The following EIF2AK4 variants were observed in gnomAD, a reference collection of about 807,000 sequenced individuals.
EIF2AK4 encodes the protein eukaryotic translation initiation factor 2 alpha kinase 4.
In EIF2AK4, 139 loss-of-function variants were observed where a neutral mutation model predicts 211.1. That is an observed-to-expected ratio of 0.66 (90% CI 0.57 to 0.76). The LOEUF (loss-of-function observed/expected upper bound fraction) is 0.76. EIF2AK4 is among the 30% of genes least tolerant of loss of function. The pLI is 0.00. For missense variants in EIF2AK4, 1,664 were observed against 2,043.8 expected (o/e 0.81, Z 3.58); for synonymous variants, 710 against 751.3 (o/e 0.94, Z 0.90).
intron 33 of EIF2AK4, among the ~76,000 whole-genome samples, chr15:40,028,835 G>A (rs1595439052): frequency 6.6e-6 from 1 of 152,210 alleles, no homozygotes; most frequent in Non-Finnish European, 1.5e-5. Context: ...GGCTACATGG[G>A]ATTTAGTTTT....
rs547672081 is a variant in EIF2AK4 at position 39,937,506 on chromosome 15, ATTT to A, written c.145-1996_145-1994del. 5.6e-3 allele frequency among the ~76,000 whole-genome samples: 849 copies of A among 151,844 alleles called. 13 individuals are homozygous for A. Among genetic ancestry groups the A allele is most frequent in the African/African-American group, 0.02 (826 of 41,520 alleles). On this transcript the variant is annotated intron_variant, in intron 1 of 38. Coordinates refer to ENST00000263791, the MANE Select transcript of EIF2AK4 (RefSeq NM_001013703.4). Reference sequence around the variant, plus strand: ...GCATTTTGGGTCATATAATGCATATATTTTTCTCCTAATTATATGCATTTATTT... The same window carrying A: ...GCATTTTGGGTCATATAATGCATATATTCTCCTAATTATATGCATTTATTT...
intron 7 of EIF2AK4, among the ~76,000 whole-genome samples, chr15:39,964,225 T>C (rs1011285116): frequency 1.3e-5 from 2 of 152,232 alleles, no homozygotes; most frequent in African/African-American, 4.8e-5. Context: ...TGCTGAGACA[T>C]CTTTATCATG....
At chr15:39,957,352 C>G (rs892096046) in intron 6 of EIF2AK4, among the ~76,000 whole-genome samples, 2 of 152,126 alleles carry the variant, frequency 1.3e-5, no homozygotes, top group African/African-American at 2.4e-5. Flanking sequence ...TGAAGGATCA[C>G]TTGAGCCCAG....
At chr15:39,950,750 CAT>C (rs60565652) in intron 4 of EIF2AK4, among the ~76,000 whole-genome samples, 47,296 of 151,910 alleles carry the variant, frequency 0.31, 7,611 homozygotes, top group African/African-American at 0.39. Flanking sequence ...TGTTCACACA[CAT>C]GTGAGATACG....
chr15:39,952,482 G>A (rs1388729501), intron 4 of EIF2AK4, among the ~76,000 whole-genome samples: 2 of 151,898 alleles, frequency 1.3e-5, no homozygotes, highest in Non-Finnish European at 2.9e-5. Context: ...TCCCTATGTT[G>A]CCAGGCTGGT....
At chr15:39,968,416 A>G (rs528981712) in intron 9 of EIF2AK4, among the ~76,000 whole-genome samples, 8 of 152,322 alleles carry the variant, frequency 5.3e-5, no homozygotes, top group African/African-American at 1.4e-4. Flanking sequence ...GTTTTATCCA[A>G]TTTGGGAGAA....
chr15:39,940,038 G>A (rs745478790), intron 2 of EIF2AK4, among the ~76,000 whole-genome samples: 1 of 152,190 alleles, frequency 6.6e-6, no homozygotes, highest in Non-Finnish European at 1.5e-5. Flanking sequence ...CCTAGAGTGA[G>A]GGAGAGTATT....
Position 40,009,673 on chromosome 15 carries a change from C to G in EIF2AK4, c.3636C>G (p.His1212Gln), listed in dbSNP as rs373908432. 5.0e-6 allele frequency: 8 copies of G among 1,610,430 alleles called. No homozygotes were observed. Among genetic ancestry groups the G allele is most frequent in the Non-Finnish European group, 1.7e-6 (2 of 1,178,498 alleles). Reference sequence around the variant, plus strand: ...TGTTATTGAAAGCAATACTCTTACACTGTGGGATCCCAGAAGATAAACTCA... The same window carrying G: ...TGTTATTGAAAGCAATACTCTTACAGTGTGGGATCCCAGAAGATAAACTCA... ...HTMLLKAILL[H>Q]CGIPEDKLSQ... Residue 1212 changes from histidine (H) to glutamine (Q), a missense_variant, in exon 26 of 39, where the codon CAC (histidine) becomes CAG (glutamine). Physicochemically the swap from His to Gln is conservative, Grantham distance 24. Coordinates refer to ENST00000263791, the MANE Select transcript of EIF2AK4 (RefSeq NM_001013703.4).
rs2034693335 is a variant in EIF2AK4, at chr15:39,976,459, C to G, written c.1864C>G (p.Pro622Ala). 6.2e-7 allele frequency: 1 copy of G among 1,610,330 alleles called. No individual in the cohort carries two copies. Among genetic ancestry groups the G allele is most frequent in the Non-Finnish European group, 8.5e-7 (1 of 1,179,000 alleles). The change falls in exon 12 of 39, where the codon CCC (proline) becomes GCC (alanine). Residue 622 changes from proline to alanine, a missense_variant. By Grantham distance (27) the Pro-to-Ala change is conservative. Transcript: ENST00000263791. ...DGCCYAVKRI[P>A]INPASRQFRR... ...CTGCTGCTACGCAGTGAAGCGCATCCCCATCAACCCGGCCAGCCGGCAGTT... is the reference window on the plus strand; with the variant it reads ...CTGCTGCTACGCAGTGAAGCGCATCGCCATCAACCCGGCCAGCCGGCAGTT...
chr15:40,000,835 AAAT>A (rs72248603), intron 20 of EIF2AK4, among the ~76,000 whole-genome samples, 150 bp from the exon 21 acceptor site: 42,328 of 151,974 alleles, frequency 0.28, 6,017 homozygotes, highest in South Asian at 0.34. Context: ...AAAGCAGAAA[AAAT>A]AATGACCTAT....
chr15:39,988,492 G>A (rs12442731), intron 15 of EIF2AK4, among the ~76,000 whole-genome samples: 81,497 of 152,034 alleles, frequency 0.54, 22,461 homozygotes, highest in East Asian at 0.72. Context: ...TCAAATGTCA[G>A]TGCTCCCAAG....
chr15:39,958,514 A>C (rs529930215), intron 6 of EIF2AK4, among the ~76,000 whole-genome samples: 1 of 152,254 alleles, frequency 6.6e-6, no homozygotes, highest in African/African-American at 2.4e-5. Context: ...GGAACCATTA[A>C]AGTATAAAGG....
At chr15:39,993,137 CATCCATCCACCT>C (rs1343156162) in intron 18 of EIF2AK4, among the ~76,000 whole-genome samples, 3 of 150,816 alleles carry the variant, frequency 2.0e-5, no homozygotes, top group Non-Finnish European at 4.4e-5. Context: ...TCCACCCACC[CATCCATCCACCT>C]GTCCATCCAC....
chr15:39,965,151 T>C (rs548420934), intron 7 of EIF2AK4, among the ~76,000 whole-genome samples: 16 of 152,324 alleles, frequency 1.1e-4, no homozygotes, highest in African/African-American at 3.8e-4. Context: ...GACAGAGTCT[T>C]GCTCTTGTCG....
intron 27 of EIF2AK4, among the ~76,000 whole-genome samples, chr15:40,014,535 C>T (rs2035279528): frequency 6.6e-6 from 1 of 152,242 alleles, no homozygotes; most frequent in South Asian, 2.1e-4. Flanking sequence ...GGTGGAGCAG[C>T]TTAGACACAG....
At chr15:39,943,724 G>A (rs1355698680) in intron 3 of EIF2AK4, among the ~76,000 whole-genome samples, 1 of 152,126 alleles carries the variant, frequency 6.6e-6, no homozygotes, top group Non-Finnish European at 1.5e-5. Flanking sequence ...AGCACTTGGG[G>A]AGGCTGAGGT....
At chr15:40,011,235 T>C (rs753304651) in intron 26 of EIF2AK4, 46 bp from the exon 27 acceptor site, 1 of 1,532,252 alleles carries the variant, frequency 6.5e-7, no homozygotes, top group Non-Finnish European at 9.0e-7. Context: ...TCTTGTTCAG[T>C]GCCAGATTTC....
At chr15:39,971,268 A>G (rs1365144792) in intron 9 of EIF2AK4, among the ~76,000 whole-genome samples, 2 of 152,208 alleles carry the variant, frequency 1.3e-5, no homozygotes, top group African/African-American at 2.4e-5. Flanking sequence ...TCACACCTGT[A>G]ATCCCAGCAC....
rs1379146858 is a variant in EIF2AK4, at chr15:39,992,796, C to T, written c.2714C>T (p.Ala905Val). The change falls in exon 18 of 39, where the codon GCT becomes GTT. Residue 905 changes from alanine to valine, a missense_variant. Ala to Val is a moderately conservative substitution (Grantham distance 64). This residue lies in a region of EIF2AK4 where 622 missense variants were observed against 796.8 expected (regional missense o/e 0.78). Transcript: ENST00000263791. ...SGHLTGMVGT[A>V]LYVSPEVQGS... ...CACTTAACTGGGATGGTTGGCACTGCTCTCTATGTAAGCCCAGAGGTCCAA... is the reference window on the plus strand; with the variant it reads ...CACTTAACTGGGATGGTTGGCACTGTTCTCTATGTAAGCCCAGAGGTCCAA... 7 of 1,614,182 alleles carry T rather than the reference C, an allele frequency of 4.3e-6. No individual in the cohort carries two copies. The highest frequency in any genetic ancestry group is 5.1e-6 in the Non-Finnish European group (6 of 1,180,030).
Sources: gnomAD v4.1 joint callset for allele counts (sites outside exome capture counted in the v4.1 genomes callset) on GRCh38, gnomAD v4.1.1 for gene constraint, gnomAD v4.1.1 regional missense constraint, MANE v1.5 for transcripts, NCBI Gene and HGNC (gene_info 2026-07-23, HGNC 2026-07-21) for gene names.